Variants in LYPD6B observed in about 807,000 individuals in gnomAD.
The protein encoded by LYPD6B is ly6/PLAUR domain-containing protein 6B.
LYPD6B carries 17 observed loss-of-function variants against 22.8 expected under a neutral mutation model. The ratio of observed to expected loss-of-function variants is 0.75; its 90% CI spans 0.51 to 1.12. The LOEUF (loss-of-function observed/expected upper bound fraction) is 1.12. Among genes scored for constraint, LYPD6B ranks in the 50% most tolerant of loss-of-function variants. The pLI, the probability that LYPD6B is intolerant of heterozygous loss-of-function variation, is 0.00. For synonymous variants in LYPD6B, 106 were observed against 91.6 expected, an observed-to-expected ratio of 1.16 and a Z score of -0.90; for missense variants, 221 against 258.3, an observed-to-expected ratio of 0.86 and a Z score of 0.99.
intron 1 of LYPD6B, among the ~76,000 whole-genome samples, chr2:149,110,910 CTATA>C (rs1686725757): frequency 6.6e-6 from 1 of 152,094 alleles, no homozygotes; most frequent in Admixed American, 6.6e-5. Flanking sequence ...ATGCAGTACT[CTATA>C]TGTGTCTGGG....
intron 1 of LYPD6B, among the ~76,000 whole-genome samples, chr2:149,057,756 G>A (rs931215492): frequency 6.6e-6 from 1 of 152,182 alleles, no homozygotes; most frequent in Non-Finnish European, 1.5e-5. Flanking sequence ...AACAGAAGAG[G>A]AAAGGGGGTG....
intron 1 of LYPD6B, among the ~76,000 whole-genome samples, chr2:149,123,774 C>T (rs1338444226): frequency 6.6e-6 from 1 of 152,154 alleles, no homozygotes; most frequent in African/African-American, 2.4e-5. Context: ...GCAGGAGAAT[C>T]GCTTGAACCC....
chr2:149,212,380 C>CAAAAAA lies in LYPD6B; in HGVS notation c.329-593_329-588dup, dbSNP rs386391473. On this transcript the variant is annotated intron_variant, in intron 5 of 6. Coordinates refer to ENST00000409642, the MANE Select transcript of LYPD6B (RefSeq NM_177964.5). ...CTGGGGACAGAGTAAGACTCCGTCT[C>CAAAAAA]AAAAAAAAAAAAAAAAAAAAAAAAG... 3.4e-3 allele frequency among the ~76,000 whole-genome samples: 206 copies of CAAAAAA among 60,126 alleles called. 14 individuals carry two copies. Among genetic ancestry groups the CAAAAAA allele is most frequent in the African/African-American group, 9.3e-3 (124 of 13,326 alleles). 39.4% of individuals were successfully genotyped at this position (60,126 alleles called of 152,430 possible). A position where few individuals can be genotyped will look rare whatever the true frequency, so the allele number is the denominator to read the frequency against.
intron 1 of LYPD6B, among the ~76,000 whole-genome samples, chr2:149,072,526 T>TATTTTATTTC (rs1332190737): frequency 2.0e-4 from 28 of 139,422 alleles, no homozygotes; most frequent in Admixed American, 1.7e-3. Flanking sequence ...TATTTTATTT[T>TATTTTATTTC]ATTTTATTTC....
At chr2:149,100,008 C>G (rs1686115481) in intron 1 of LYPD6B, among the ~76,000 whole-genome samples, 1 of 152,066 alleles carries the variant, frequency 6.6e-6, no homozygotes, top group African/African-American at 2.4e-5. Context: ...AGCAGTTTGT[C>G]CTCATCATGT....
intron 2 of LYPD6B, among the ~76,000 whole-genome samples, chr2:149,160,004 A>G (rs985478638): frequency 1.3e-5 from 2 of 151,678 alleles, no homozygotes; most frequent in African/African-American, 4.9e-5. Context: ...TAGCTATCAC[A>G]TTAGTCAGGT....
At chr2:149,178,577 A>G (rs866797488) in intron 3 of LYPD6B, among the ~76,000 whole-genome samples, 2 of 152,190 alleles carry the variant, frequency 1.3e-5, no homozygotes, top group Admixed American at 1.3e-4. Flanking sequence ...ATCTCCATCA[A>G]CTTCAGACAC....
At chr2:149,054,448 TTTATTCTA>T (rs1310723478) in intron 1 of LYPD6B, among the ~76,000 whole-genome samples, 1 of 152,240 alleles carries the variant, frequency 6.6e-6, no homozygotes, top group East Asian at 1.9e-4. Flanking sequence ...TTTTTGTCTT[TTTATTCTA>T]GAGTTATTAT....
intron 2 of LYPD6B, among the ~76,000 whole-genome samples, chr2:149,158,244 A>G (rs2105868990): frequency 6.6e-6 from 1 of 152,278 alleles, no homozygotes; most frequent in Admixed American, 6.5e-5. Context: ...CACCGTAAGT[A>G]CTCTATAATT....
At chr2:149,098,019 C>A (rs1685986035) in intron 1 of LYPD6B, among the ~76,000 whole-genome samples, 1 of 152,000 alleles carries the variant, frequency 6.6e-6, no homozygotes, top group African/African-American at 2.4e-5. Context: ...TGGACAGTAT[C>A]TTTTAAAGAT....
In LYPD6B at chr2:149,198,030, T is replaced by A. The variant is rs74999506; in HGVS notation, c.78-7223T>A. Among the ~76,000 whole-genome samples, 27 of 143,570 alleles carry A rather than the reference T, an allele frequency of 1.9e-4. No individual in the cohort carries two copies. The East Asian group carries it at 4.5e-3, about 24-fold the overall frequency. 94.2% of individuals were successfully genotyped at this position (143,570 alleles called of 152,430 possible). ...TTTCTAATTCCTAAACATCTAAGCT[T>A]TTCTTTTTTTTTTTTTCTTTTCTTT... On this transcript the variant is annotated intron_variant, in intron 3 of 6. Transcript: ENST00000409642.
At chr2:149,142,749 C>T (rs1324535934) in intron 2 of LYPD6B, among the ~76,000 whole-genome samples, 5 of 152,128 alleles carry the variant, frequency 3.3e-5, no homozygotes, top group Admixed American at 2.6e-4. Flanking sequence ...AGTGATCCTT[C>T]CATCTTAGCC....
At chr2:149,125,161 C>G (rs1351920960) in intron 1 of LYPD6B, among the ~76,000 whole-genome samples, 3 of 152,056 alleles carry the variant, frequency 2.0e-5, no homozygotes, top group Admixed American at 2.0e-4. Flanking sequence ...TGGTAAAACC[C>G]AGGAACTCAA....
At chr2:149,046,630 T>C (rs1574866786) in intron 1 of LYPD6B, among the ~76,000 whole-genome samples, 1 of 152,146 alleles carries the variant, frequency 6.6e-6, no homozygotes, top group East Asian at 1.9e-4. Context: ...TTTTATATTT[T>C]CCTTATCTCC....
intron 2 of LYPD6B, among the ~76,000 whole-genome samples, chr2:149,148,394 C>G (rs868278433): frequency 2.6e-5 from 4 of 152,118 alleles, no homozygotes; most frequent in Non-Finnish European, 5.9e-5. Flanking sequence ...CGGATCTTTG[C>G]CAAACTACAG....
In LYPD6B at chr2:149,114,971, G is replaced by A. The variant is rs147399608; in HGVS notation, c.-66-15912G>A. 2.9e-3 allele frequency among the ~76,000 whole-genome samples: 447 copies of A among 152,116 alleles called. 1 individual carries two copies. The highest frequency in any genetic ancestry group is 9.5e-3 in the African/African-American group (393 of 41,504). On this transcript the variant is annotated intron_variant, in intron 1 of 6. Transcript: ENST00000409642. Reference sequence around the variant, plus strand: ...TATTATTATTTTGAGATGGAGTCTCGCTCTGTTGCCCAGGCTGGAGTGCAG... The same window carrying A: ...TATTATTATTTTGAGATGGAGTCTCACTCTGTTGCCCAGGCTGGAGTGCAG...
At chr2:149,091,307 A>G (rs1685639236) in intron 1 of LYPD6B, among the ~76,000 whole-genome samples, 1 of 151,112 alleles carries the variant, frequency 6.6e-6, no homozygotes, top group African/African-American at 2.4e-5. Flanking sequence ...ATGTGTAAAG[A>G]TTACATAAAA....
intron 3 of LYPD6B, among the ~76,000 whole-genome samples, chr2:149,180,065 C>G (rs1399119806): frequency 2.6e-5 from 4 of 152,180 alleles, no homozygotes. Context: ...CCTAACTTTT[C>G]TCCTGGAAGA....
chr2:149,107,661 A>G (rs1330248995), intron 1 of LYPD6B, among the ~76,000 whole-genome samples: 1 of 152,256 alleles, frequency 6.6e-6, no homozygotes, highest in Admixed American at 6.5e-5. Context: ...TTCATTTCCA[A>G]ATATTTGGGG....
Sources: allele counts gnomAD v4.1 joint callset (sites outside exome capture counted in the v4.1 genomes callset), GRCh38; gene constraint gnomAD v4.1.1; transcripts MANE v1.5; gene names NCBI Gene and HGNC (gene_info 2026-07-23, HGNC 2026-07-21).